Variants in THOC1 observed in about 807,000 individuals in gnomAD.
THOC1 encodes the protein THO complex 1.
THOC1 carries 29 observed loss-of-function variants against 97.3 expected under a neutral mutation model. The observed-to-expected ratio is 0.30, with a 90% CI of 0.22 to 0.41. The LOEUF (loss-of-function observed/expected upper bound fraction) is 0.41. THOC1 is among the 10% of genes least tolerant of loss of function. The pLI is 1.00. For missense variants in THOC1, 529 were observed against 761.9 expected, an observed-to-expected ratio of 0.69 and a Z score of 3.60; for synonymous variants, 255 against 257.0, an observed-to-expected ratio of 0.99 and a Z score of 0.07.
intron 4 of THOC1, 157 bp downstream of exon 4, chr18:263,869 T>C: frequency 1.7e-6 from 1 of 595,368 alleles, no homozygotes; most frequent in Admixed American, 3.1e-5. Context: ...AAGAGTGAAC[T>C]AATTCAACTG....
At chr18:243,443 CAGG>C (rs561490220) in intron 11 of THOC1, among the ~76,000 whole-genome samples, 8 of 151,934 alleles carry the variant, frequency 5.3e-5, no homozygotes, top group Non-Finnish European at 1.2e-4. Context: ...GAGGTGGAGG[CAGG>C]AGAATCGCTT....
intron 5 of THOC1, 104 bp downstream of exon 5, chr18:260,082 G>C (rs1190230204): frequency 1.3e-5 from 9 of 685,208 alleles, no homozygotes; most frequent in Non-Finnish European, 2.0e-5. Context: ...AAACTTGTTG[G>C]CATTCAGCAA....
chr18:220,166 T>C (rs1406977452), intron 17 of THOC1, among the ~76,000 whole-genome samples: 1 of 152,210 alleles, frequency 6.6e-6, no homozygotes, highest in Admixed American at 6.5e-5. Flanking sequence ...CTCTTTGCTC[T>C]GACAATGTTA....
chr18:256,277 A>G (rs75808762), intron 7 of THOC1, among the ~76,000 whole-genome samples: 56 of 152,378 alleles, frequency 3.7e-4, no homozygotes, highest in Non-Finnish European at 7.2e-4. Context: ...TAGATGCCAT[A>G]AAGAACACTT....
chr18:236,832 T>G (rs886205580), intron 11 of THOC1, among the ~76,000 whole-genome samples: 1 of 152,162 alleles, frequency 6.6e-6, no homozygotes, highest in African/African-American at 2.4e-5. Flanking sequence ...AAGGATCGCT[T>G]CTATTAACCT....
chr18:263,571 A>C (rs1360220177), intron 4 of THOC1: 1 of 152,328 alleles, frequency 6.6e-6, no homozygotes, highest in Non-Finnish European at 1.5e-5. Context: ...ACCTCTCCTG[A>C]CTCCTTTAGA....
At chr18:244,017 C>T (rs999741256) in intron 11 of THOC1, among the ~76,000 whole-genome samples, 6 of 151,970 alleles carry the variant, frequency 3.9e-5, no homozygotes, top group Admixed American at 6.6e-5. Flanking sequence ...GATCTCTGTT[C>T]TTTGAGAGCA....
chr18:249,089 G>A (rs1438252539), intron 9 of THOC1, among the ~76,000 whole-genome samples: 7 of 152,014 alleles, frequency 4.6e-5, no homozygotes, highest in African/African-American at 9.7e-5. Context: ...TCTGATAAAC[G>A]GCTAGTATCT....
intron 7 of THOC1, among the ~76,000 whole-genome samples, chr18:255,437 G>A (rs1912407337): frequency 6.6e-6 from 1 of 152,192 alleles, no homozygotes; most frequent in African/African-American, 2.4e-5. Flanking sequence ...AGTCTGAGTG[G>A]TCTGGATAGA....
At chr18:263,744 C>T (rs1159185197) in intron 4 of THOC1, 3 of 302,492 alleles carry the variant, frequency 9.9e-6, no homozygotes, top group African/African-American at 4.4e-5. Context: ...ATCTCCAGGT[C>T]CTAGCTCAGT....
rs114308939 is a variant in THOC1, at chr18:263,698, C to T, written c.256+328G>A. The T allele has an allele frequency of 2.7e-3, 568 of 211,492 alleles. 5 individuals carry two copies. Among genetic ancestry groups the T allele is most frequent in the African/African-American group, 0.012 (530 of 43,090 alleles). The allele number at this position is 211,492 out of a possible 1,614,324, so 13.1% of individuals were successfully genotyped here. On this transcript the variant is annotated intron_variant, in intron 4 of 20. Transcript: ENST00000261600. ...ATACATCTGTTTCTTCCATTAGCTC[C>T]ACATAAGCAGGGGAATATGTTTTAT...
At chr18:253,778 A>AT (rs1912351811) in intron 8 of THOC1, among the ~76,000 whole-genome samples, 1 of 152,228 alleles carries the variant, frequency 6.6e-6, no homozygotes, top group Non-Finnish European at 1.5e-5. Flanking sequence ...GGATTACAGA[A>AT]TAACTGTACA....
intron 11 of THOC1, among the ~76,000 whole-genome samples, chr18:229,327 T>G (rs181500429): frequency 1.3e-5 from 2 of 152,226 alleles, no homozygotes; most frequent in East Asian, 1.9e-4. Context: ...CTATAGGCAC[T>G]GTTGCCAATC....
At position 223,478 on chromosome 18, in the gene THOC1, A is replaced by C; in HGVS notation, c.1332T>G (p.Leu444=). Residue 444 remains leucine, a synonymous_variant, in exon 17 of 21, where the codon CTT becomes CTG. Coordinates refer to ENST00000261600, the MANE Select transcript of THOC1 (RefSeq NM_005131.3). ...TACAGGCTTCCATATTATCAGGGCAAAGATTCCAAAGCCTTGTTAACTCCT... is the reference window on the plus strand; with the variant it reads ...TACAGGCTTCCATATTATCAGGGCACAGATTCCAAAGCCTTGTTAACTCCT... ...GNEELTRLWN[L]CPDNMEACKS... 2.6e-6 allele frequency: 4 copies of C among 1,561,134 alleles called. No individual in the cohort carries two copies. The South Asian group carries it at 4.7e-5, about 18-fold the overall frequency.
chr18:216,619 G>C lies in THOC1; in HGVS notation c.1469C>G (p.Ser490Ter). 6.2e-7 allele frequency: 1 copy of C among 1,613,644 alleles called. No individual in the cohort carries two copies. ...TCTCAGGGCTCTCCAACCATAATTT[G>C]AATTGTTCACAGCCCTATAAAAAGA... ...VENEYKAVNN[S>*]NYGWRALRLL... is the part of the protein sequence containing the mutation. Residue 490 changes from serine (S) to a stop codon, truncating the protein, a stop_gained, in exon 19 of 21, where the codon TCA becomes TGA. Coordinates refer to ENST00000261600, the MANE Select transcript of THOC1 (RefSeq NM_005131.3). LOFTEE classifies it high-confidence loss of function.
intron 7 of THOC1, among the ~76,000 whole-genome samples, chr18:256,437 A>G (rs958531669): frequency 3.3e-5 from 5 of 152,220 alleles, no homozygotes; most frequent in Non-Finnish European, 5.9e-5. Flanking sequence ...GAGAACTACA[A>G]TTAGAAGTGG....
Position 254,207 on chromosome 18 carries a change from T to C in THOC1, c.603+66A>G. ...GATTACAAGTGTGAGCCACTGTGCC[T>C]GGACCCACTATCTTAATAACAAACT... On this transcript the variant is annotated intron_variant, in intron 8 of 20. Coordinates refer to ENST00000261600, the MANE Select transcript of THOC1 (RefSeq NM_005131.3). This position sits in a 1 kb window ranked among gnomAD's most constrained non-coding sequence, Gnocchi z 4.1. 1 of 1,141,568 alleles carries C rather than the reference T, an allele frequency of 8.8e-7. No homozygotes were observed. The highest frequency in any genetic ancestry group is 1.3e-6 in the Non-Finnish European group (1 of 775,476). The allele number at this position is 1,141,568 out of a possible 1,614,324, so 70.7% of individuals were successfully genotyped here.
intron 18 of THOC1, 64 bp downstream of exon 18, chr18:218,822 C>A: frequency 7.2e-7 from 1 of 1,392,274 alleles, no homozygotes; most frequent in South Asian, 1.3e-5. Context: ...CTAGTATACA[C>A]ACAATTCCTA....
intron 17 of THOC1, among the ~76,000 whole-genome samples, chr18:220,385 G>T (rs985144363): frequency 6.6e-6 from 1 of 152,098 alleles, no homozygotes; most frequent in Non-Finnish European, 1.5e-5. Flanking sequence ...AATGCTAGTT[G>T]AAATTACTAA....
Sources: gnomAD v4.1 joint callset for allele counts (sites outside exome capture counted in the v4.1 genomes callset) on GRCh38, gnomAD v4.1.1 for gene constraint, Gnocchi (gnomAD v3.1) non-coding constraint, MANE v1.5 for transcripts, NCBI Gene and HGNC (gene_info 2026-07-23, HGNC 2026-07-21) for gene names.